Variants in TG observed in about 807,000 individuals in gnomAD.
The protein encoded by TG is thyroglobulin.
A neutral mutation model predicts 324.7 loss-of-function variants in TG; 270 were observed. That is an observed-to-expected ratio of 0.83 (90% CI 0.75 to 0.92). The LOEUF (loss-of-function observed/expected upper bound fraction) is 0.92, where lower values mean the gene tolerates loss of function less well. Ranked by LOEUF, TG falls within the 40% of genes least tolerant of loss-of-function variation. The pLI, the probability that TG is intolerant of heterozygous loss-of-function variation, is 0.00. For synonymous variants in TG, 1,401 were observed against 1,327.0 expected, an observed-to-expected ratio of 1.06 and a Z score of -1.21; for missense variants, 3,591 against 3,456.4, an observed-to-expected ratio of 1.04 and a Z score of -0.98.
At position 132,963,029 on chromosome 8, in the gene TG, T is replaced by A. The variant is rs1827990881; in HGVS notation, c.5503T>A (p.Cys1835Ser). 1 of 1,613,930 alleles carries A rather than the reference T, an allele frequency of 6.2e-7. No homozygotes were observed. Among genetic ancestry groups the A allele is most frequent in the Non-Finnish European group, 8.5e-7 (1 of 1,179,938 alleles). Reference sequence around the variant, plus strand: ...GGGGTCTCGGCCTGAGTCTATGGGATGTAGAAAAGACACAGTGCCAAGGCC... The same window carrying A: ...GGGGTCTCGGCCTGAGTCTATGGGAAGTAGAAAAGACACAGTGCCAAGGCC... ...DMGSRPESMG[C>S]RKDTVPRPAS... The change falls in exon 29 of 48, where the codon TGT becomes AGT. Residue 1835 changes from cysteine to serine, a missense_variant. Physicochemically the swap from Cys to Ser is moderately radical, Grantham distance 112 (BLOSUM62 -1). Coordinates refer to ENST00000220616, the MANE Select transcript of TG (RefSeq NM_003235.5).
Position 132,871,553 on chromosome 8 carries a change from T to G in TG, c.478+2T>G. 6.2e-7 allele frequency: 1 copy of G among 1,612,506 alleles called. No individual in the cohort carries two copies. The highest frequency in any genetic ancestry group is 8.5e-7 in the Non-Finnish European group (1 of 1,178,652). On this transcript the variant is annotated splice_donor_variant, in intron 4 of 47. Transcript: ENST00000220616. LOFTEE classifies it high-confidence loss of function. ...GCCAGCTGGGGAGGCCAAAGCGATG[T>G]GAGTTTCACTGAGCGCCTGCACCCC...
chr8:133,112,341 T>C (rs554967267), intron 43 of TG, among the ~76,000 whole-genome samples: 11 of 152,342 alleles, frequency 7.2e-5, no homozygotes, highest in Non-Finnish European at 1.6e-4. Flanking sequence ...TGTAAACACA[T>C]AGCACAGGAC....
At chr8:133,076,349 G>C (rs905385951) in intron 41 of TG, among the ~76,000 whole-genome samples, 1 of 152,222 alleles carries the variant, frequency 6.6e-6, no homozygotes, top group Non-Finnish European at 1.5e-5. Flanking sequence ...ACCTCACTTG[G>C]GGTAGTTTGC....
intron 45 of TG, among the ~76,000 whole-genome samples, chr8:133,131,045 A>G (rs1219666760): frequency 6.6e-6 from 1 of 152,208 alleles, no homozygotes; most frequent in Non-Finnish European, 1.5e-5. Flanking sequence ...GGTATGACTC[A>G]CCTTCCAGAA....
At position 132,963,580 on chromosome 8, in the gene TG, G is replaced by C. The variant is rs1587598167; in HGVS notation, c.5548+506G>C. 2.6e-5 allele frequency among the ~76,000 whole-genome samples: 4 copies of C among 152,240 alleles called. No individual in the cohort carries two copies. In the South Asian group the frequency reaches 8.3e-4, roughly 32 times the overall value. ...AGAGTCTGTGATTATTATTACTGAGGTGGAGCTGAAACTCAGAGAGAGAGG... is the reference window on the plus strand; with the variant it reads ...AGAGTCTGTGATTATTATTACTGAGCTGGAGCTGAAACTCAGAGAGAGAGG... On this transcript the variant is annotated intron_variant, in intron 29 of 47. Transcript: ENST00000220616.
rs550323046 is a variant in TG, at chr8:133,133,059, G to C, written c.7998-411G>C. On this transcript the variant is annotated intron_variant, in intron 46 of 47. Coordinates refer to ENST00000220616, the MANE Select transcript of TG (RefSeq NM_003235.5). ...CCAACAGGTCTGACATCCCCTTTAT[G>C]GGGCAGCTGGCCTACAGATTCACCC... Among the ~76,000 whole-genome samples, 46 of 152,322 alleles carry C rather than the reference G, an allele frequency of 3.0e-4. 1 individual carries two copies. The highest frequency in any genetic ancestry group is 6.8e-3 in the Middle Eastern group (2 of 294).
In TG at chr8:132,960,543, G is replaced by A. The variant is rs1013359973; in HGVS notation, c.5402-465G>A. On this transcript the variant is annotated intron_variant, in intron 27 of 47. Coordinates refer to ENST00000220616, the MANE Select transcript of TG (RefSeq NM_003235.5). ...ATTAATCGGTTGAGTTGTGGCAGCCGCCAACAAGTGGCTGCCTATCAAATG... is the reference window on the plus strand; with the variant it reads ...ATTAATCGGTTGAGTTGTGGCAGCCACCAACAAGTGGCTGCCTATCAAATG... Among the ~76,000 whole-genome samples, 9 of 152,312 alleles carry A rather than the reference G, an allele frequency of 5.9e-5. 1 individual carries two copies. The East Asian group carries it at 1.2e-3, about 20-fold the overall frequency.
intron 18 of TG, 57 bp from the exon 19 acceptor site, chr8:132,911,320 A>T: frequency 6.2e-7 from 1 of 1,614,024 alleles, no homozygotes; most frequent in Non-Finnish European, 8.5e-7. Flanking sequence ...GTGTGGACCC[A>T]ACAAAACTAG....
intron 3 of TG, among the ~76,000 whole-genome samples, chr8:132,870,143 C>T (rs1056771830): frequency 2.0e-5 from 3 of 151,970 alleles, no homozygotes; most frequent in Admixed American, 1.3e-4. Context: ...TGCCTTCTCA[C>T]CCGTGGTGTG....
chr8:132,930,560 T>A (rs1406475811), intron 23 of TG, among the ~76,000 whole-genome samples: 1 of 151,946 alleles, frequency 6.6e-6, no homozygotes, highest in Non-Finnish European at 1.5e-5. Flanking sequence ...TGGGTGCCTG[T>A]AATCCCAGCT....
intron 41 of TG, among the ~76,000 whole-genome samples, chr8:133,046,890 T>C (rs551317294): frequency 6.6e-6 from 1 of 152,354 alleles, no homozygotes; most frequent in African/African-American, 2.4e-5. Flanking sequence ...ACCAGGTGGC[T>C]TTGGCACTTA....
intron 20 of TG, among the ~76,000 whole-genome samples, chr8:132,914,285 G>A (rs1819974411): frequency 6.6e-6 from 1 of 152,208 alleles, no homozygotes; most frequent in Non-Finnish European, 1.5e-5. Flanking sequence ...CTCCTGATGA[G>A]AAGCCTTCCT....
At chr8:133,008,722 T>C (rs565503118) in intron 35 of TG, among the ~76,000 whole-genome samples, 12 of 152,358 alleles carry the variant, frequency 7.9e-5, no homozygotes, top group East Asian at 1.9e-4. Flanking sequence ...GCTAAGCCGA[T>C]TGGCTAAGCA....
intron 35 of TG, chr8:132,995,486 G>A (rs1832784132): frequency 1.0e-6 from 1 of 985,170 alleles, no homozygotes; most frequent in South Asian, 4.7e-5. Flanking sequence ...CCCAAAGGAG[G>A]CCTCCATGGT....
chr8:133,060,029 C>T (rs1386653170), intron 41 of TG: 24 of 1,473,472 alleles, frequency 1.6e-5, no homozygotes, highest in Non-Finnish European at 2.1e-5. Flanking sequence ...CCGGCATCCA[C>T]CACCGCCCAG....
intron 2 of TG, among the ~76,000 whole-genome samples, chr8:132,868,529 G>C (rs759832437): frequency 6.6e-6 from 1 of 152,178 alleles, no homozygotes; most frequent in Non-Finnish European, 1.5e-5. Flanking sequence ...TAAACGGCAC[G>C]TGTGGGGAGT....
Position 132,887,002 on chromosome 8 carries a change from A to G in TG, c.1630A>G (p.Met544Val), listed in dbSNP as rs751829684. 14 of 1,614,120 alleles carry G rather than the reference A, an allele frequency of 8.7e-6. No homozygotes were observed. Among genetic ancestry groups the G allele is most frequent in the Non-Finnish European group, 1.1e-5 (13 of 1,180,054 alleles). ...TPEAAKKDGTMNKPTVGSFGF... is the reference protein window; with the variant it reads ...TPEAAKKDGTVNKPTVGSFGF... ...TGAAGCTGCTAAGAAGGATGGTACTATGAATAAGCCAACTGTGGGCAGCTT... is the reference window on the plus strand; with the variant it reads ...TGAAGCTGCTAAGAAGGATGGTACTGTGAATAAGCCAACTGTGGGCAGCTT... The change falls in exon 9 of 48, where the codon ATG (methionine) becomes GTG (valine). Residue 544 changes from methionine (M) to valine (V), a missense_variant. Coordinates refer to ENST00000220616, the MANE Select transcript of TG (RefSeq NM_003235.5).
At chr8:132,868,325 T>G in intron 2 of TG, 102 bp downstream of exon 2, 4 of 1,076,146 alleles carry the variant, frequency 3.7e-6, no homozygotes, top group Non-Finnish European at 5.5e-6. Context: ...AACTCCTTTG[T>G]GCATGTGAGG....
chr8:132,961,434 G>A (rs1172700400), intron 28 of TG, among the ~76,000 whole-genome samples: 1 of 152,172 alleles, frequency 6.6e-6, no homozygotes, highest in East Asian at 1.9e-4. Flanking sequence ...CTTTCACCCT[G>A]AGGCCCAGGG....
Sources: gnomAD v4.1 joint callset for allele counts (sites outside exome capture counted in the v4.1 genomes callset) on GRCh38, gnomAD v4.1.1 for gene constraint, MANE v1.5 for transcripts, NCBI Gene and HGNC (gene_info 2026-07-23, HGNC 2026-07-21) for gene names.